CPEB1: variants seen among roughly 807,000 people sequenced by gnomAD.
The protein encoded by CPEB1 is cytoplasmic polyadenylation element-binding protein 1.
A neutral mutation model predicts 65.8 loss-of-function variants in CPEB1; 7 were observed. That is an observed-to-expected ratio of 0.11 (90% CI 0.06 to 0.20). CPEB1 has a LOEUF of 0.20. CPEB1 is among the 10% of genes least tolerant of loss of function. The pLI is 1.00. For missense variants in CPEB1, 551 were observed against 712.2 expected (o/e 0.77, Z 2.58); for synonymous variants, 262 against 260.0 (o/e 1.01, Z -0.08).
At chr15:82,644,884 TG>T (rs1405177072) in intron 1 of CPEB1, among the ~76,000 whole-genome samples, 2 of 152,264 alleles carry the variant, frequency 1.3e-5, no homozygotes, top group Admixed American at 1.3e-4. Context: ...GTGCTGAGCC[TG>T]GAGTCTTACT....
intron 3 of CPEB1, among the ~76,000 whole-genome samples, chr15:82,587,345 C>T (rs1460077948): frequency 1.3e-5 from 2 of 152,152 alleles, no homozygotes; most frequent in Non-Finnish European, 2.9e-5. Context: ...TCTCTAAATA[C>T]TCATAAATGC....
Position 82,576,297 on chromosome 15 carries a change from G to A in CPEB1, c.272-4765C>T, listed in dbSNP as rs572558506. Among the ~76,000 whole-genome samples, 3 of 152,288 alleles carry A rather than the reference G, an allele frequency of 2.0e-5. No individual in the cohort carries two copies. The South Asian group carries it at 6.2e-4, about 32-fold the overall frequency. ...AGGTGGTTGCCTCTGGCAGGAAGTAGGCAGGTAGATTAGGAAGGGGTACAA... is the reference window on the plus strand; with the variant it reads ...AGGTGGTTGCCTCTGGCAGGAAGTAAGCAGGTAGATTAGGAAGGGGTACAA... On this transcript the variant is annotated intron_variant, in intron 3 of 12. Coordinates refer to ENST00000684509, the MANE Select transcript of CPEB1 (RefSeq NM_001365242.1).
chr15:82,640,928 A>C (rs767366413), intron 1 of CPEB1: 23 of 152,178 alleles, frequency 1.5e-4, no homozygotes, highest in Non-Finnish European at 8.8e-5. Context: ...AGGAAGCCAT[A>C]GTCTTACAAA....
rs1156868539 is a variant in CPEB1 at position 82,543,460 on chromosome 15, T to C, written c.*1132A>G. On this transcript the variant is annotated 3_prime_UTR_variant, in exon 13 of 13. Transcript: ENST00000684509. The stretch of plus-strand genomic sequence containing the variant: ...GTTTTTGTGGGTTTTTTGTTTCTTT[T>C]TAAAAAAAAAAAAAAAAAAAAAAAG... 2 of 145,552 alleles carry C rather than the reference T, an allele frequency of 1.4e-5. No individual in the cohort carries two copies. The highest frequency in any genetic ancestry group is 3.0e-5 in the Non-Finnish European group (2 of 66,692). 9.0% of individuals were successfully genotyped at this position (145,552 alleles called of 1,614,324 possible).
chr15:82,571,414 A>G lies in CPEB1; in HGVS notation c.390T>C (p.Ser130=). The change falls in exon 4 of 13, where the codon AGT becomes AGC. Residue 130 remains serine (S), a synonymous_variant. Coordinates refer to ENST00000684509, the MANE Select transcript of CPEB1 (RefSeq NM_001365242.1). ...NDLCLGLQSL[S]LTGWDRPWST... is the part of the protein sequence containing the mutation. ...TCCAGGGTCGGTCCCAGCCTGTCAG[A>G]CTGAGGGACTGCAGGCCAAGGCACA... is the stretch of plus-strand genomic sequence containing the variant. 6.2e-7 allele frequency: 1 copy of G among 1,614,048 alleles called. No individual in the cohort carries two copies. The highest frequency in any genetic ancestry group is 8.5e-7 in the Non-Finnish European group (1 of 1,179,990).
intron 1 of CPEB1, among the ~76,000 whole-genome samples, chr15:82,644,528 T>C (rs1047655209): frequency 1.3e-5 from 2 of 152,192 alleles, no homozygotes; most frequent in Non-Finnish European, 2.9e-5. Context: ...ATGTTACATT[T>C]GGTCTATAGT....
chr15:82,565,136 A>G (rs546367307), intron 4 of CPEB1, among the ~76,000 whole-genome samples: 9 of 152,340 alleles, frequency 5.9e-5, no homozygotes, highest in South Asian at 2.1e-4. Context: ...AGCTGGTTTG[A>G]TATTTCCTTC....
intron 4 of CPEB1, among the ~76,000 whole-genome samples, chr15:82,558,790 CAATA>C: frequency 6.6e-6 from 1 of 152,204 alleles, no homozygotes; most frequent in East Asian, 1.9e-4. Flanking sequence ...ACCCAGCACA[CAATA>C]AATATTTAAA....
intron 3 of CPEB1, among the ~76,000 whole-genome samples, chr15:82,615,567 T>C (rs181016655): frequency 1.1e-4 from 17 of 152,296 alleles, no homozygotes; most frequent in African/African-American, 4.1e-4. Flanking sequence ...TCTAGAAACT[T>C]ACTCTGGGTT....
chr15:82,604,830 G>A (rs2043420391), intron 3 of CPEB1, among the ~76,000 whole-genome samples: 1 of 152,060 alleles, frequency 6.6e-6, no homozygotes, highest in African/African-American at 2.4e-5. Context: ...GAGGGAAAGA[G>A]ACAGAATATG....
intron 1 of CPEB1, among the ~76,000 whole-genome samples, chr15:82,635,730 G>A (rs114270881): frequency 0.011 from 1,743 of 152,246 alleles, 29 homozygotes; most frequent in African/African-American, 0.04. Flanking sequence ...TTAGCTAAGT[G>A]GAGATCAAGC....
intron 3 of CPEB1, chr15:82,572,881 C>G: frequency 1.4e-6 from 1 of 695,216 alleles, no homozygotes; most frequent in East Asian, 3.0e-5. Flanking sequence ...GCTTCTGGAG[C>G]TTCCGCCATT....
intron 3 of CPEB1, among the ~76,000 whole-genome samples, chr15:82,623,537 G>A (rs913900752): frequency 1.1e-4 from 16 of 152,138 alleles, no homozygotes; most frequent in Non-Finnish European, 2.1e-4. Flanking sequence ...TTAGCCAGGC[G>A]TGGTGGGGCA....
upstream of CPEB1, chr15:82,647,726 C>T (rs1332483002): frequency 3.6e-6 from 3 of 839,682 alleles, no homozygotes; most frequent in Non-Finnish European, 4.7e-6. Context: ...CGTGACCGCG[C>T]CCCGCCCGGG....
At chr15:82,564,277 TTTTG>T (rs1241334248) in intron 4 of CPEB1, among the ~76,000 whole-genome samples, 2 of 148,218 alleles carry the variant, frequency 1.3e-5, no homozygotes, top group African/African-American at 2.5e-5. Flanking sequence ...CAATGGTTTT[TTTTG>T]TTTTTTTGTT....
intron 3 of CPEB1, among the ~76,000 whole-genome samples, chr15:82,624,651 T>G (rs1165755822): frequency 2.0e-5 from 3 of 152,132 alleles, no homozygotes; most frequent in African/African-American, 7.2e-5. Flanking sequence ...GTCACTGGGC[T>G]CCCTGGACAG....
intron 3 of CPEB1, among the ~76,000 whole-genome samples, chr15:82,579,138 A>G (rs984161128): frequency 6.6e-5 from 10 of 152,090 alleles, no homozygotes; most frequent in African/African-American, 2.2e-4. Flanking sequence ...ATTACATGAG[A>G]TTTTAAAAGA....
chr15:82,568,656 G>A (rs1460527271), intron 4 of CPEB1, among the ~76,000 whole-genome samples: 1 of 152,166 alleles, frequency 6.6e-6, no homozygotes, highest in East Asian at 1.9e-4. Flanking sequence ...CCAGCCTAAA[G>A]CTAAGAATCC....
chr15:82,545,556 G>A (rs112434122), intron 12 of CPEB1, among the ~76,000 whole-genome samples: 4 of 152,058 alleles, frequency 2.6e-5, no homozygotes, highest in Non-Finnish European at 4.4e-5. Context: ...CTCAGGGTCC[G>A]CCCCAAACCC....
Sources: gnomAD v4.1 joint callset for allele counts (sites outside exome capture counted in the v4.1 genomes callset) on GRCh38, gnomAD v4.1.1 for gene constraint, MANE v1.5 for transcripts, NCBI Gene and HGNC (gene_info 2026-07-23, HGNC 2026-07-21) for gene names.